DPYSL4: variants seen among roughly 807,000 people sequenced by gnomAD.
DPYSL4 encodes the protein dihydropyrimidinase-related protein 4.
DPYSL4 carries 43 observed loss-of-function variants against 63.4 expected under a neutral mutation model. The ratio of observed to expected loss-of-function variants is 0.68; its 90% CI spans 0.53 to 0.88. DPYSL4 has a LOEUF of 0.88. Ranked by LOEUF, DPYSL4 falls within the 40% of genes least tolerant of loss-of-function variation. The probability of loss-of-function intolerance (pLI) is 0.00; values close to 1 mark genes in which losing one functional copy is unlikely to be tolerated. For synonymous variants in DPYSL4, 353 were observed against 331.7 expected (o/e 1.06, Z -0.70); for missense variants, 733 against 819.5 (o/e 0.89, Z 1.29).
chr10:132,190,788 C>CG lies in DPYSL4; in HGVS notation c.82dup (p.Asp28GlyfsTer7). On this transcript the variant is annotated frameshift_variant, in exon 2 of 14. Transcript: ENST00000338492. LOFTEE classifies it high-confidence loss of function. The stretch of plus-strand genomic sequence containing the variant: ...TCAGAGGTGGGAGGATCGTGAATGA[C>CG]GACCAGTCCTTTTACGCTGATGTGC... 6.2e-7 allele frequency: 1 copy of CG among 1,613,810 alleles called. No individual in the cohort carries two copies. The highest frequency in any genetic ancestry group is 8.5e-7 in the Non-Finnish European group (1 of 1,179,854).
Position 132,187,122 on chromosome 10 carries a change from G to A in DPYSL4, c.39+20G>A. On this transcript the variant is annotated intron_variant, in intron 1 of 13. Transcript: ENST00000338492. ...ATCACGGTGAGCCCGGTCCCGCTTC[G>A]CCCGGCGCCCCCTGCCCGCCGCCCG... 1.3e-6 allele frequency: 2 copies of A among 1,505,388 alleles called. No individual in the cohort carries two copies. The highest frequency in any genetic ancestry group is 1.4e-5 in the African/African-American group (1 of 69,514). 93.3% of individuals were successfully genotyped at this position (1,505,388 alleles called of 1,614,324 possible).
rs369298508 is a variant in DPYSL4 at position 132,204,966 on chromosome 10, C to T, written c.*36C>T. The T allele has an allele frequency of 1.6e-4, 245 of 1,551,114 alleles. No homozygotes were observed. Among genetic ancestry groups the T allele is most frequent in the Non-Finnish European group, 2.1e-4 (237 of 1,147,042 alleles). On this transcript the variant is annotated 3_prime_UTR_variant, in exon 14 of 14. Coordinates refer to ENST00000338492, the MANE Select transcript of DPYSL4 (RefSeq NM_006426.3). ...CCGGCCCTGTGAGCCGTGCTGGCCC[C>T]ACCCGAGGCCGCGGGGGCCCCAGGG...
At chr10:132,194,396 G>A (rs1335713904) in intron 3 of DPYSL4, among the ~76,000 whole-genome samples, 3 of 152,210 alleles carry the variant, frequency 2.0e-5, no homozygotes, top group African/African-American at 4.8e-5. Flanking sequence ...TGGGGCACTC[G>A]GGAAACCAGC....
At chr10:132,188,488 C>G (rs939719115) in intron 1 of DPYSL4, among the ~76,000 whole-genome samples, 3 of 152,224 alleles carry the variant, frequency 2.0e-5, no homozygotes, top group Non-Finnish European at 4.4e-5. Context: ...CAGCCAGGGC[C>G]TGATGCGGCC....
At position 132,197,263 on chromosome 10, in the gene DPYSL4, C is replaced by T. The variant is rs78240606; in HGVS notation, c.621+162C>T. Among the ~76,000 whole-genome samples, 16 of 152,320 alleles carry T rather than the reference C, an allele frequency of 1.1e-4. No individual in the cohort carries two copies. In the East Asian group the frequency reaches 2.7e-3, roughly 26 times the overall value. ...GGGAGGGTCATAGCTTACCCCGAGT[C>T]AAAGGTCAACCAGTGAGTTAGAGAG... On this transcript the variant is annotated intron_variant, in intron 6 of 13. Coordinates refer to ENST00000338492, the MANE Select transcript of DPYSL4 (RefSeq NM_006426.3).
chr10:132,192,439 C>T (rs148479542), intron 2 of DPYSL4: 89 of 1,203,766 alleles, frequency 7.4e-5, no homozygotes, highest in Admixed American at 8.7e-5. Flanking sequence ...GTGGCGTCTG[C>T]GTGAGGCTGG....
intron 4 of DPYSL4, among the ~76,000 whole-genome samples, chr10:132,196,462 G>A (rs768169824): frequency 1.3e-4 from 20 of 152,236 alleles, no homozygotes; most frequent in Admixed American, 1.3e-4. Context: ...CAGAATGCAG[G>A]TCCCCAGCAC....
intron 4 of DPYSL4, 129 bp from the exon 5 acceptor site, chr10:132,196,732 A>C: frequency 9.5e-7 from 1 of 1,047,194 alleles, no homozygotes; most frequent in Non-Finnish European, 1.4e-6. Flanking sequence ...AGGGCTGGCA[A>C]GCCAGTGAGG....
rs1182706102 is a variant in DPYSL4, at chr10:132,204,949, G to T, written c.*19G>T. The T allele has an allele frequency of 6.3e-7, 1 of 1,598,418 alleles. No homozygotes were observed. Among genetic ancestry groups the T allele is most frequent in the Non-Finnish European group, 8.5e-7 (1 of 1,171,404 alleles). ...CTCCTAGACGCCCAGGACCGGCCCTGTGAGCCGTGCTGGCCCCACCCGAGG... is the reference window on the plus strand; with the variant it reads ...CTCCTAGACGCCCAGGACCGGCCCTTTGAGCCGTGCTGGCCCCACCCGAGG... On this transcript the variant is annotated 3_prime_UTR_variant, in exon 14 of 14. Transcript: ENST00000338492.
chr10:132,190,269 G>T (rs1351173775), intron 1 of DPYSL4, among the ~76,000 whole-genome samples: 1 of 152,232 alleles, frequency 6.6e-6, no homozygotes, highest in Non-Finnish European at 1.5e-5. Flanking sequence ...CCGCCTCCTG[G>T]CACCATCACT....
At chr10:132,189,036 T>C (rs535253289) in intron 1 of DPYSL4, among the ~76,000 whole-genome samples, 1 of 152,350 alleles carries the variant, frequency 6.6e-6, no homozygotes, top group South Asian at 2.1e-4. Context: ...ATGAACTCCT[T>C]CTCATTCTGA....
intron 12 of DPYSL4, chr10:132,203,451 CGGAG>C (rs1196747196): frequency 9.4e-6 from 4 of 424,364 alleles, no homozygotes; most frequent in Admixed American, 3.7e-5. Flanking sequence ...CGTGGGGCCT[CGGAG>C]GGAGGTTGAG....
chr10:132,198,424 C>A lies in DPYSL4; in HGVS notation c.631C>A (p.Arg211=), dbSNP rs753736718. ...NGDIVEEEQK[R]LLELGITGPE... ...CTGTTGGTTTCTTTAGGAGCAGAAG[C>A]GGTTGCTGGAGCTCGGCATCACTGG... The change falls in exon 7 of 14, where the codon CGG becomes AGG. Residue 211 remains arginine (R), a synonymous_variant. Transcript: ENST00000338492. 1.2e-6 allele frequency: 2 copies of A among 1,605,986 alleles called. No homozygotes were observed. The highest frequency in any genetic ancestry group is 2.2e-5 in the East Asian group (1 of 44,634).
In DPYSL4 at chr10:132,201,795, T is replaced by TG. The variant is rs781036281; in HGVS notation, c.1111-145dup. 8.5e-6 allele frequency: 7 copies of TG among 824,980 alleles called. No homozygotes were observed. In the East Asian group the frequency reaches 1.4e-4, roughly 17 times the overall value. 51.1% of individuals were successfully genotyped at this position (824,980 alleles called of 1,614,324 possible). ...CCCCGTGTCCTGCCGTCCAACCTTG[T>TG]GGGGGGCCTGGTGGTCCAGCGTCTG... On this transcript the variant is annotated intron_variant, in intron 10 of 13. Coordinates refer to ENST00000338492, the MANE Select transcript of DPYSL4 (RefSeq NM_006426.3).
At chr10:132,195,105 T>G in intron 4 of DPYSL4, 96 bp downstream of exon 4, 1 of 1,374,070 alleles carries the variant, frequency 7.3e-7, no homozygotes, top group Non-Finnish European at 9.7e-7. Flanking sequence ...TGCTCTGCCC[T>G]GGGGGCTGGT....
chr10:132,191,182 T>G (rs76975786), intron 2 of DPYSL4, among the ~76,000 whole-genome samples: 14 of 73,924 alleles, frequency 1.9e-4, no homozygotes, highest in East Asian at 2.1e-3. Flanking sequence ...ATCCAGGCAG[T>G]TGAAAGTATG....
At chr10:132,203,468 T>C (rs1413534533) in intron 12 of DPYSL4, 2 of 450,960 alleles carry the variant, frequency 4.4e-6, no homozygotes, top group African/African-American at 1.9e-5. Context: ...AGGTTGAGCA[T>C]GTGCACCTGT....
At chr10:132,190,868 C>T (rs1280127681) in intron 2 of DPYSL4, 33 bp downstream of exon 2, 1 of 1,606,550 alleles carries the variant, frequency 6.2e-7, no homozygotes, top group Admixed American at 1.7e-5. Context: ...AATACGTTCC[C>T]AGCTCGTGTG....
At chr10:132,189,171 G>A (rs945900088) in intron 1 of DPYSL4, among the ~76,000 whole-genome samples, 12 of 152,260 alleles carry the variant, frequency 7.9e-5, no homozygotes, top group Non-Finnish European at 1.6e-4. Context: ...CAGAGCAGGC[G>A]GCCGGACCTC....
Sources: allele counts gnomAD v4.1 joint callset (sites outside exome capture counted in the v4.1 genomes callset), GRCh38; gene constraint gnomAD v4.1.1; transcripts MANE v1.5; gene names NCBI Gene and HGNC (gene_info 2026-07-23, HGNC 2026-07-21).